Variants in TTC17 observed in about 807,000 individuals in gnomAD.
TTC17 encodes the protein tetratricopeptide repeat domain 17.
A neutral mutation model predicts 143.8 loss-of-function variants in TTC17; 58 were observed. The ratio of observed to expected loss-of-function variants is 0.40; its 90% CI spans 0.33 to 0.50. The LOEUF (loss-of-function observed/expected upper bound fraction) is 0.50, where lower values mean the gene tolerates loss of function less well. Among genes scored for constraint, TTC17 ranks in the 20% least tolerant of loss-of-function variants. The pLI is 0.49. For synonymous variants in TTC17, 501 were observed against 497.8 expected (o/e 1.01, Z -0.09); for missense variants, 1,273 against 1,392.5 (o/e 0.91, Z 1.37).
At chr11:43,381,923 A>T (rs1565135524) in intron 2 of TTC17, among the ~76,000 whole-genome samples, 1 of 152,230 alleles carries the variant, frequency 6.6e-6, no homozygotes. Context: ...TTTGGCTTTG[A>T]AATGTTAACG....
chr11:43,405,993 G>A (rs367712768), intron 13 of TTC17, 42 bp downstream of exon 13: 30 of 1,589,670 alleles, frequency 1.9e-5, no homozygotes, highest in Non-Finnish European at 2.4e-5. Context: ...GTCCATTCTG[G>A]GTGACTTCAG....
intron 1 of TTC17, among the ~76,000 whole-genome samples, chr11:43,372,388 C>G: frequency 6.6e-6 from 1 of 151,898 alleles, no homozygotes; most frequent in East Asian, 1.9e-4. Flanking sequence ...CTGCAACTTC[C>G]ACTTCCTGGC....
chr11:43,368,654 T>C (rs1177195008), intron 1 of TTC17, among the ~76,000 whole-genome samples: 2 of 152,218 alleles, frequency 1.3e-5, no homozygotes, highest in Non-Finnish European at 2.9e-5. Context: ...CCTAGATCTG[T>C]TATCTCCAGA....
chr11:43,407,495 T>C lies in TTC17; in HGVS notation c.1982T>C (p.Leu661Ser), dbSNP rs774555632. 60 of 1,613,938 alleles carry C rather than the reference T, an allele frequency of 3.7e-5. No homozygotes were observed. The highest frequency in any genetic ancestry group is 1.2e-4 in the Admixed American group (7 of 59,980). Residue 661 changes from leucine to serine, a missense_variant, in exon 15 of 24, where the codon TTG becomes TCG. By Grantham distance (145) the Leu-to-Ser change is moderately radical (BLOSUM62 -2). This residue lies in a region of TTC17 where 878 missense variants were observed against 899.8 expected (regional missense o/e 0.98). Coordinates refer to ENST00000039989, the MANE Select transcript of TTC17 (RefSeq NM_018259.6). ...TACCAAGATGTTCCTCTTGTCAACT[T>C]GGCCAACCTTTTGATTCATTACGGC... ...LQYQDVPLVN[L>S]ANLLIHYGLH... is the part of the protein sequence containing the mutation.
chr11:43,464,047 G>C (rs1017214234), intron 21 of TTC17, among the ~76,000 whole-genome samples: 22 of 152,104 alleles, frequency 1.4e-4, no homozygotes, highest in African/African-American at 5.3e-4. Flanking sequence ...AGGCTGAGGC[G>C]GGTGGATCAC....
At chr11:43,384,741 T>C (rs1857109019) in intron 2 of TTC17, among the ~76,000 whole-genome samples, 1 of 152,232 alleles carries the variant, frequency 6.6e-6, no homozygotes, top group Non-Finnish European at 1.5e-5. Flanking sequence ...TATTTCAAAC[T>C]CTACAATCAG....
At chr11:43,491,465 CT>C (rs1272574919) in intron 22 of TTC17, 1 of 152,398 alleles carries the variant, frequency 6.6e-6, no homozygotes, top group African/African-American at 2.4e-5. Flanking sequence ...CAGACAGCCT[CT>C]GGTGCACCTA....
chr11:43,493,886 G>C lies in TTC17; in HGVS notation c.3408G>C (p.Lys1136Asn). 6.2e-7 allele frequency: 1 copy of C among 1,611,752 alleles called. No homozygotes were observed. The highest frequency in any genetic ancestry group is 1.7e-5 in the Admixed American group (1 of 59,932). The part of the protein sequence containing the change: ...QTIQCHLMLK[K>N]GRRSP ...TCCAGTGTCACTTAATGCTGAAGAA[G>C]GGACGGCGCTCTCCTTAGTGCACTT... The change falls in exon 24 of 24, where the codon AAG becomes AAC. Residue 1136 changes from lysine to asparagine, a missense_variant. By Grantham distance (94) the Lys-to-Asn change is moderately conservative. Around this residue, in one of 3 missense-constraint regions of TTC17, gnomAD observed 878 missense variants for 899.8 expected, o/e 0.98. Transcript: ENST00000039989.
intron 11 of TTC17, among the ~76,000 whole-genome samples, chr11:43,404,920 A>G (rs1489096674): frequency 1.3e-5 from 2 of 152,122 alleles, no homozygotes; most frequent in Non-Finnish European, 2.9e-5. Context: ...GTAGTGTTCA[A>G]TGCCAGGTTT....
chr11:43,453,230 C>T (rs1375073171), intron 21 of TTC17, among the ~76,000 whole-genome samples: 1 of 151,968 alleles, frequency 6.6e-6, no homozygotes, highest in East Asian at 1.9e-4. Context: ...ATATTTTAAG[C>T]TCTAGATTCA....
intron 5 of TTC17, among the ~76,000 whole-genome samples, chr11:43,392,439 C>T (rs1857426563): frequency 6.6e-6 from 1 of 152,110 alleles, no homozygotes; most frequent in Admixed American, 6.5e-5. Context: ...ATGTATCATT[C>T]AGGATTAACG....
intron 16 of TTC17, among the ~76,000 whole-genome samples, chr11:43,434,546 G>T (rs1381433833): frequency 6.6e-6 from 1 of 152,052 alleles, no homozygotes; most frequent in Non-Finnish European, 1.5e-5. Context: ...AGATGCACAT[G>T]GTTTTTATGA....
chr11:43,409,316 A>G (rs577709470), intron 15 of TTC17, among the ~76,000 whole-genome samples: 2 of 152,342 alleles, frequency 1.3e-5, no homozygotes, highest in African/African-American at 4.8e-5. Context: ...CAAAGGCCTT[A>G]AAGATTGTTA....
intron 21 of TTC17, among the ~76,000 whole-genome samples, chr11:43,464,488 T>C (rs1034409655): frequency 2.6e-5 from 4 of 152,170 alleles, no homozygotes; most frequent in African/African-American, 9.7e-5. Flanking sequence ...TAACTAACTT[T>C]TTTTAAAAAA....
chr11:43,423,627 A>G (rs1353325052), intron 16 of TTC17, among the ~76,000 whole-genome samples: 1 of 152,182 alleles, frequency 6.6e-6, no homozygotes, highest in Non-Finnish European at 1.5e-5. Context: ...GTTTATTTTG[A>G]TGAGCATTAG....
intron 21 of TTC17, among the ~76,000 whole-genome samples, chr11:43,461,315 C>T (rs111366655): frequency 7.3e-6 from 1 of 137,696 alleles, no homozygotes; most frequent in Admixed American, 8.1e-5. Context: ...ACCCGGGAAG[C>T]GGAGCTTGCA....
chr11:43,382,002 A>G (rs1856988032), intron 2 of TTC17, among the ~76,000 whole-genome samples: 1 of 152,194 alleles, frequency 6.6e-6, no homozygotes, highest in African/African-American at 2.4e-5. Flanking sequence ...GTGCAAACTC[A>G]AGGGGAAAGA....
In TTC17 at chr11:43,401,530, A is replaced by G; in HGVS notation, c.1304A>G (p.Asp435Gly). 1 of 1,612,800 alleles carries G rather than the reference A, an allele frequency of 6.2e-7. No individual in the cohort carries two copies. The highest frequency in any genetic ancestry group is 8.5e-7 in the Non-Finnish European group (1 of 1,179,498). The change falls in exon 10 of 24, where the codon GAT (aspartate) becomes GGT (glycine). Residue 435 changes from aspartate (D) to glycine (G), a missense_variant. Physicochemically the swap from Asp to Gly is moderately conservative, Grantham distance 94. This residue lies in a region of TTC17 where 878 missense variants were observed against 899.8 expected (regional missense o/e 0.98). Coordinates refer to ENST00000039989, the MANE Select transcript of TTC17 (RefSeq NM_018259.6). ...WDQPVRYHRG[D>G]IFENVDYVQF... is the part of the protein sequence containing the mutation. Reference sequence around the variant, plus strand: ...CAGCCTGTACGCTATCATCGTGGAGATATCTTTGAAAATGTGGACTATGTT... The same window carrying G: ...CAGCCTGTACGCTATCATCGTGGAGGTATCTTTGAAAATGTGGACTATGTT...
intron 16 of TTC17, among the ~76,000 whole-genome samples, chr11:43,436,766 G>A (rs969699195): frequency 5.3e-5 from 8 of 152,110 alleles, no homozygotes; most frequent in Admixed American, 4.6e-4. Context: ...TTGCCAAAAC[G>A]CATGACTTCT....
Sources: gnomAD v4.1 joint callset for allele counts (sites outside exome capture counted in the v4.1 genomes callset) on GRCh38, gnomAD v4.1.1 for gene constraint, gnomAD v4.1.1 regional missense constraint, MANE v1.5 for transcripts, NCBI Gene and HGNC (gene_info 2026-07-23, HGNC 2026-07-21) for gene names.